RSF1: variants seen among roughly 807,000 people sequenced by gnomAD.
RSF1 encodes HBV pX-associated protein 8.
A neutral mutation model predicts 145.2 loss-of-function variants in RSF1; 13 were observed. That is an observed-to-expected ratio of 0.09 (90% CI 0.06 to 0.14). The LOEUF (loss-of-function observed/expected upper bound fraction) is 0.14, where lower values mean the gene tolerates loss of function less well. Among genes scored for constraint, RSF1 ranks in the 10% least tolerant of loss-of-function variants. The probability of loss-of-function intolerance (pLI) is 1.00; values close to 1 mark genes in which losing one functional copy is unlikely to be tolerated. For missense variants in RSF1, 1,517 were observed against 1,718.2 expected (o/e 0.88, Z 2.07); for synonymous variants, 577 against 592.6 (o/e 0.97, Z 0.38).
At chr11:77,762,027 C>CTTTTTTCTTTTTTTTTTTTTTTTTTTTTT (rs1554994584) in intron 2 of RSF1, 3 of 58,754 alleles carry the variant, frequency 5.1e-5, no homozygotes, top group African/African-American at 1.6e-4. Context: ...CTTTTCTTTT[C>CTTTTTTCTTTTTTTTTTTTTTTTTTTTTT]TTTTTTTTTT....
chr11:77,765,592 A>C (rs984570939), intron 1 of RSF1, among the ~76,000 whole-genome samples: 1 of 151,952 alleles, frequency 6.6e-6, no homozygotes, highest in African/African-American at 2.4e-5. Context: ...TTCTGTTGGA[A>C]CCTTCAAATA....
the RSF1 span, among the ~76,000 whole-genome samples, chr11:77,833,915 G>A: frequency 6.6e-6 from 1 of 152,116 alleles, no homozygotes; most frequent in Non-Finnish European, 1.5e-5. Context: ...AGCACAAAGA[G>A]TTATACATGT....
chr11:77,818,436 C>A (rs959270462), intron 1 of RSF1, among the ~76,000 whole-genome samples: 3 of 152,182 alleles, frequency 2.0e-5, no homozygotes, highest in African/African-American at 7.2e-5. Flanking sequence ...CTTCCCAAGG[C>A]ATCCTAAAAG....
intron 1 of RSF1, among the ~76,000 whole-genome samples, chr11:77,801,973 C>CT (rs1420873073): frequency 1.3e-5 from 2 of 151,890 alleles, no homozygotes; most frequent in Admixed American, 6.6e-5. Context: ...CAAGAACAGC[C>CT]TGGGCAACAG....
rs746095596 is a variant in RSF1, at chr11:77,700,930, C to T, written c.2299G>A (p.Glu767Lys). ...NKQEKTEKEE[E>K]KTNVGRTLRR... Reference sequence around the variant, plus strand: ...AAAGTACGACCCACATTTGTTTTCTCCTCTTCCTTTTCTGTCTTCTCTTGC... The same window carrying T: ...AAAGTACGACCCACATTTGTTTTCTTCTCTTCCTTTTCTGTCTTCTCTTGC... Residue 767 changes from glutamate (E) to lysine (K), a missense_variant, in exon 6 of 16, where the codon GAG becomes AAG. Physicochemically the swap from Glu to Lys is moderately conservative, Grantham distance 56 (BLOSUM62 1). Transcript: ENST00000308488. 1 of 1,612,352 alleles carries T rather than the reference C, an allele frequency of 6.2e-7. No individual in the cohort carries two copies. The highest frequency in any genetic ancestry group is 1.7e-5 in the Admixed American group (1 of 59,766).
chr11:77,818,237 C>G (rs1362635292), intron 1 of RSF1, among the ~76,000 whole-genome samples: 2 of 152,134 alleles, frequency 1.3e-5, no homozygotes, highest in African/African-American at 4.8e-5. Context: ...TTAATATAAA[C>G]TAAATGCACT....
rs1445804508 is a variant in RSF1 at position 77,813,504 on chromosome 11, G to A, written c.187+7024C>T. 1.0e-5 allele frequency: 9 copies of A among 865,496 alleles called. No homozygotes were observed. The East Asian group carries it at 1.7e-4, about 16-fold the overall frequency. 53.6% of individuals were successfully genotyped at this position (865,496 alleles called of 1,614,324 possible). The stretch of plus-strand genomic sequence containing the variant: ...TTCTGTAGTGATTCTCAAAGTCTTG[G>A]TAGGTATTCGAACTGGTCCTTTCAC... On this transcript the variant is annotated intron_variant, in intron 1 of 15. Coordinates refer to ENST00000308488, the MANE Select transcript of RSF1 (RefSeq NM_016578.4).
At chr11:77,842,435 C>T in the RSF1 span, 2 of 1,570,338 alleles carry the variant, frequency 1.3e-6, no homozygotes, top group East Asian at 2.2e-5. Context: ...ACTGTTTCAG[C>T]CTTACTTTAT....
At chr11:77,795,168 T>C (rs1386787059) in intron 1 of RSF1, among the ~76,000 whole-genome samples, 1 of 151,876 alleles carries the variant, frequency 6.6e-6, no homozygotes, top group African/African-American at 2.4e-5. Flanking sequence ...CAAGCAAAAC[T>C]ATAAAACACT....
chr11:77,726,649 T>A (rs912707256), intron 4 of RSF1, among the ~76,000 whole-genome samples: 2 of 152,186 alleles, frequency 1.3e-5, no homozygotes, highest in Non-Finnish European at 2.9e-5. Flanking sequence ...GAAACTGAGT[T>A]CTAGATATGC....
chr11:77,735,852 G>A (rs1379361631), intron 4 of RSF1, among the ~76,000 whole-genome samples: 1 of 152,156 alleles, frequency 6.6e-6, no homozygotes, highest in Non-Finnish European at 1.5e-5. Context: ...TGATTCCCCT[G>A]CCTCAGCCTT....
At chr11:77,777,783 A>G (rs1677366323) in intron 1 of RSF1, among the ~76,000 whole-genome samples, 1 of 151,834 alleles carries the variant, frequency 6.6e-6, no homozygotes, top group Non-Finnish European at 1.5e-5. Flanking sequence ...CCAGGAGTTC[A>G]AGACCAGTCT....
chr11:77,698,737 G>A (rs371933017), intron 6 of RSF1, 44 bp from the exon 7 acceptor site: 8 of 1,523,300 alleles, frequency 5.3e-6, no homozygotes, highest in Non-Finnish European at 7.3e-6. Flanking sequence ...ATATAAGAAT[G>A]TCTTTTAAAA....
intron 4 of RSF1, among the ~76,000 whole-genome samples, chr11:77,740,026 G>C (rs1355651905): frequency 6.6e-6 from 1 of 152,250 alleles, no homozygotes; most frequent in Non-Finnish European, 1.5e-5. Flanking sequence ...TATATACTGT[G>C]TCAAGATGAA....
intron 11 of RSF1, among the ~76,000 whole-genome samples, chr11:77,678,443 G>A (rs976568726): frequency 1.3e-5 from 2 of 151,846 alleles, no homozygotes; most frequent in African/African-American, 2.4e-5. Flanking sequence ...TCTCGATCTC[G>A]ACCTCGTGAT....
intron 1 of RSF1, among the ~76,000 whole-genome samples, chr11:77,794,071 T>C (rs1002362089): frequency 6.6e-6 from 1 of 152,058 alleles, no homozygotes; most frequent in African/African-American, 2.4e-5. Flanking sequence ...AGAGACAGAC[T>C]CCAGTATAAT....
At chr11:77,798,048 C>T (rs1948589891) in intron 1 of RSF1, among the ~76,000 whole-genome samples, 1 of 152,202 alleles carries the variant, frequency 6.6e-6, no homozygotes, top group Non-Finnish European at 1.5e-5. Context: ...AATGCTTTTA[C>T]ACTGTTGGTG....
At position 77,683,769 on chromosome 11, in the gene RSF1, T is replaced by G; in HGVS notation, c.3006A>C (p.Lys1002Asn). 6.2e-7 allele frequency: 1 copy of G among 1,613,084 alleles called. No individual in the cohort carries two copies. Among genetic ancestry groups the G allele is most frequent in the Non-Finnish European group, 8.5e-7 (1 of 1,179,764 alleles). Residue 1002 changes from lysine to asparagine, a missense_variant, in exon 11 of 16, where the codon AAA (lysine) becomes AAC (asparagine). Physicochemically the swap from Lys to Asn is moderately conservative, Grantham distance 94. This residue lies in a region of RSF1 where 231 missense variants were observed against 276.6 expected (regional missense o/e 0.84). Transcript: ENST00000308488. Reference protein sequence around the residue: ...DQEEKKKDSKKSKANLLERRS... With the variant: ...DQEEKKKDSKNSKANLLERRS... ...TCCTTTCAAGCAAGTTTGCTTTGGA[T>G]TTTTTTGAATCTTTTTTCTTTTCTT... is the stretch of plus-strand genomic sequence containing the variant.
Position 77,716,950 on chromosome 11 carries a change from G to T in RSF1, c.733+8595C>A, listed in dbSNP as rs1224243393. On this transcript the variant is annotated intron_variant, in intron 5 of 15. Transcript: ENST00000308488. ...CCTTGCACTTTGGGAGGCCGAGACG[G>T]GTGGATCACTTGAGCTCAGGAGTTC... Among the ~76,000 whole-genome samples, 3 of 152,024 alleles carry T rather than the reference G, an allele frequency of 2.0e-5. No individual in the cohort carries two copies. The South Asian group carries it at 6.2e-4, about 32-fold the overall frequency.
Sources: allele counts gnomAD v4.1 joint callset (sites outside exome capture counted in the v4.1 genomes callset), GRCh38; gene constraint gnomAD v4.1.1; regional missense constraint gnomAD v4.1.1; transcripts MANE v1.5; gene names NCBI Gene and HGNC (gene_info 2026-07-23, HGNC 2026-07-21).